The following EPS15 variants were observed in gnomAD, a reference collection of about 807,000 sequenced individuals.
EPS15 encodes the protein epidermal growth factor receptor pathway substrate 15.
Under a neutral mutation model 113.8 loss-of-function variants are expected in EPS15, and 72 were observed. The ratio of observed to expected loss-of-function variants is 0.63; its 90% CI spans 0.52 to 0.77. The LOEUF (loss-of-function observed/expected upper bound fraction) is 0.77. Ranked by LOEUF, EPS15 falls within the 30% of genes least tolerant of loss-of-function variation. The pLI is 0.00. For synonymous variants in EPS15, 344 were observed against 363.4 expected, an observed-to-expected ratio of 0.95 and a Z score of 0.61; for missense variants, 1,048 against 1,045.8, an observed-to-expected ratio of 1.00 and a Z score of -0.03.
rs61294870 is a variant in EPS15 at position 51,497,151 on chromosome 1, A to G, written c.34-15837T>C. ...TTTAAGTTAAAATTCAACTTCATGT[A>G]GTTCTACAAATGCAACTCAACTGAA... On this transcript the variant is annotated intron_variant, in intron 1 of 24. Coordinates refer to ENST00000371733, the MANE Select transcript of EPS15 (RefSeq NM_001981.3). 9.5e-3 allele frequency among the ~76,000 whole-genome samples: 1,446 copies of G among 152,354 alleles called. 23 individuals carry two copies. Among genetic ancestry groups the G allele is most frequent in the African/African-American group, 0.033 (1,378 of 41,582 alleles).
At chr1:51,449,892 T>C (rs1653395842) in intron 8 of EPS15, among the ~76,000 whole-genome samples, 1 of 151,688 alleles carries the variant, frequency 6.6e-6, no homozygotes, top group South Asian at 2.1e-4. Flanking sequence ...GAAGCCATGG[T>C]TGCAAAAAAC....
Position 51,409,623 on chromosome 1 carries a change from T to C in EPS15, c.1187A>G (p.Glu396Gly). The part of the protein sequence containing the change: ...KLQAQKQQVQ[E>G]LLDELDEQKA... ...CTGCTCATCCAGTTCATCAAGGAGT[T>C]CCTGTACCTGCTGTTTCTGGGCCTG... The change falls in exon 14 of 25, where the codon GAA becomes GGA. Residue 396 changes from glutamate (E) to glycine (G), a missense_variant. Glu to Gly is a moderately conservative substitution (Grantham distance 98, BLOSUM62 -2). Transcript: ENST00000371733. 6.2e-7 allele frequency: 1 copy of C among 1,613,868 alleles called. No individual in the cohort carries two copies. The highest frequency in any genetic ancestry group is 1.1e-5 in the South Asian group (1 of 91,066).
At chr1:51,400,712 CAA>C (rs375748381) in intron 19 of EPS15, among the ~76,000 whole-genome samples, 5 of 60,194 alleles carry the variant, frequency 8.3e-5, no homozygotes, top group South Asian at 6.3e-4. Flanking sequence ...CAAAAAACAC[CAA>C]AAAAAAAAAA....
intron 12 of EPS15, among the ~76,000 whole-genome samples, chr1:51,432,297 ATTAT>A (rs1183399273): frequency 6.1e-4 from 85 of 138,476 alleles, no homozygotes; most frequent in African/African-American, 2.0e-3. Flanking sequence ...AGCCACATAG[ATTAT>A]GTATGTATGT....
chr1:51,517,807 T>C (rs563307105), intron 1 of EPS15, among the ~76,000 whole-genome samples: 2 of 152,300 alleles, frequency 1.3e-5, no homozygotes, highest in Admixed American at 6.5e-5. Context: ...TTATGACACT[T>C]AGAATTCCTG....
chr1:51,401,024 A>G (rs1192336199), intron 18 of EPS15, 71 bp from the exon 19 acceptor site: 2 of 984,126 alleles, frequency 2.0e-6, no homozygotes, highest in Admixed American at 5.2e-5. Flanking sequence ...CTTAAAGAGT[A>G]ACTTTCAAAC....
intron 12 of EPS15, among the ~76,000 whole-genome samples, chr1:51,431,429 C>T (rs1425846064): frequency 6.6e-6 from 1 of 151,394 alleles, no homozygotes; most frequent in Non-Finnish European, 1.5e-5. Context: ...GTTCATTTTA[C>T]AAAGGTGAAA....
chr1:51,423,384 C>T (rs1211944834), intron 12 of EPS15: 42 of 1,080,858 alleles, frequency 3.9e-5, no homozygotes, highest in Non-Finnish European at 4.7e-5. Flanking sequence ...TACAAAAACA[C>T]GGGGAAAAAT....
intron 18 of EPS15, 109 bp downstream of exon 18, chr1:51,402,326 G>A (rs866161529): frequency 4.7e-5 from 26 of 548,418 alleles, no homozygotes; most frequent in African/African-American, 1.0e-4. Flanking sequence ...CAGCCTGGGC[G>A]ACAGACTGAG....
chr1:51,484,268 A>G (rs1165037388), intron 1 of EPS15, among the ~76,000 whole-genome samples: 4 of 152,060 alleles, frequency 2.6e-5, no homozygotes, highest in Non-Finnish European at 4.4e-5. Flanking sequence ...TTTTAAAAAG[A>G]AACTATTATT....
intron 21 of EPS15, 68 bp downstream of exon 21, chr1:51,394,313 A>T: frequency 1.1e-6 from 1 of 948,262 alleles, no homozygotes. Context: ...ATATATTTAG[A>T]GACAAAGAAA....
At chr1:51,433,383 T>C (rs1226520432) in intron 12 of EPS15, among the ~76,000 whole-genome samples, 1 of 152,250 alleles carries the variant, frequency 6.6e-6, no homozygotes, top group Non-Finnish European at 1.5e-5. Context: ...CATATTTCCA[T>C]TTTACAGATA....
At chr1:51,519,128 CG>C in intron 1 of EPS15, 70 bp downstream of exon 1, 1 of 1,113,352 alleles carries the variant, frequency 9.0e-7, no homozygotes, top group Non-Finnish European at 1.2e-6. Flanking sequence ...GCCAAGAAGT[CG>C]GCGAAGCTGA....
chr1:51,482,685 C>T lies in EPS15; in HGVS notation c.34-1371G>A, dbSNP rs182429867. On this transcript the variant is annotated intron_variant, in intron 1 of 24. Coordinates refer to ENST00000371733, the MANE Select transcript of EPS15 (RefSeq NM_001981.3). Reference sequence around the variant, plus strand: ...TTCGCCATGTTGTCTAGGCTGGTCTCGAACTCCTGATCTCAAGTGATCCAC... The same window carrying T: ...TTCGCCATGTTGTCTAGGCTGGTCTTGAACTCCTGATCTCAAGTGATCCAC... Among the ~76,000 whole-genome samples the T allele has an allele frequency of 5.2e-3, 793 of 152,126 alleles. 11 individuals carry two copies. Among genetic ancestry groups the T allele is most frequent in the African/African-American group, 0.018 (761 of 41,496 alleles).
At chr1:51,517,728 A>G (rs1312918850) in intron 1 of EPS15, among the ~76,000 whole-genome samples, 2 of 142,858 alleles carry the variant, frequency 1.4e-5, no homozygotes, top group Non-Finnish European at 3.1e-5. Flanking sequence ...TTCCATGTTA[A>G]AGGGTTCTCT....
At chr1:51,483,753 C>T (rs1369431702) in intron 1 of EPS15, among the ~76,000 whole-genome samples, 1 of 151,096 alleles carries the variant, frequency 6.6e-6, no homozygotes, top group Non-Finnish European at 1.5e-5. Context: ...TTGCAGTGAG[C>T]TGAAATCACG....
At chr1:51,432,350 A>G (rs78112766) in intron 12 of EPS15, among the ~76,000 whole-genome samples, 17 of 130,970 alleles carry the variant, frequency 1.3e-4, no homozygotes, top group South Asian at 2.6e-4. Flanking sequence ...ATGTATGTAT[A>G]TATTTAATAG....
intron 1 of EPS15, among the ~76,000 whole-genome samples, chr1:51,484,318 T>C (rs980641841): frequency 2.0e-5 from 3 of 151,986 alleles, no homozygotes; most frequent in Non-Finnish European, 4.4e-5. Flanking sequence ...TCTCAGCACT[T>C]TGGGAGGCCG....
At chr1:51,434,749 G>A (rs1029486788) in intron 12 of EPS15, among the ~76,000 whole-genome samples, 6 of 152,134 alleles carry the variant, frequency 3.9e-5, no homozygotes, top group African/African-American at 9.7e-5. Flanking sequence ...TCGGCTCACC[G>A]TAACCTCCAC....
Sources: allele counts gnomAD v4.1 joint callset (sites outside exome capture counted in the v4.1 genomes callset), GRCh38; gene constraint gnomAD v4.1.1; transcripts MANE v1.5; gene names NCBI Gene and HGNC (gene_info 2026-07-23, HGNC 2026-07-21).